The following ANKRD54 variants were observed in gnomAD, a reference collection of about 807,000 sequenced individuals.
ANKRD54 encodes the protein ankyrin repeat domain-containing protein 54.
ANKRD54 carries 26 observed loss-of-function variants against 36.2 expected under a neutral mutation model. That is an observed-to-expected ratio of 0.72 (90% CI 0.53 to 1.00). ANKRD54 has a LOEUF of 1.00. Among genes scored for constraint, ANKRD54 ranks in the 50% least tolerant of loss-of-function variants. The pLI, the probability that ANKRD54 is intolerant of heterozygous loss-of-function variation, is 0.00. For missense variants in ANKRD54, 384 were observed against 424.3 expected, an observed-to-expected ratio of 0.91 and a Z score of 0.83; for synonymous variants, 209 against 188.4, an observed-to-expected ratio of 1.11 and a Z score of -0.89.
chr22:37,833,586 A>T, intron 4 of ANKRD54, 98 bp downstream of exon 4: 2 of 1,306,254 alleles, frequency 1.5e-6, no homozygotes, highest in South Asian at 2.5e-5. Context: ...CCTGACACTC[A>T]CAGTTTCTGC....
intron 1 of ANKRD54, among the ~76,000 whole-genome samples, 200 bp from the exon 2 acceptor site, chr22:37,840,434 C>T (rs1292383441): frequency 6.6e-6 from 1 of 151,630 alleles, no homozygotes; most frequent in African/African-American, 2.4e-5. Context: ...TGGCAGGTGC[C>T]TGTAGTCCCA....
At chr22:37,833,517 G>A (rs1923156643) in intron 4 of ANKRD54, among the ~76,000 whole-genome samples, 167 bp downstream of exon 4, 1 of 152,142 alleles carries the variant, frequency 6.6e-6, no homozygotes, top group Non-Finnish European at 1.5e-5. Flanking sequence ...TGATTGGAAG[G>A]CCCATGGGAC....
chr22:37,834,547 ATTAGCTGGGCATAGTGATGGCAGACTT>A (rs1385686498), intron 3 of ANKRD54: 1 of 151,550 alleles, frequency 6.6e-6, no homozygotes, highest in African/African-American at 2.4e-5. Flanking sequence ...AAACACAAAA[ATTAGCTGGGCATAGTGATGGCAGACTT>A]GTAGTCCCAG....
chr22:37,832,987 G>A lies in ANKRD54; in HGVS notation c.691C>T (p.Leu231=), dbSNP rs1459103667. 5 of 1,614,066 alleles carry A rather than the reference G, an allele frequency of 3.1e-6. No individual in the cohort carries two copies. Among genetic ancestry groups the A allele is most frequent in the Non-Finnish European group, 3.4e-6 (4 of 1,180,038 alleles). ...NILQEGHAQC[L]EAVRLEVKQI... Reference sequence around the variant, plus strand: ...TTCACCTCCAGACGCACAGCCTCTAGGCACTGGGCATGGCCCTCCTGCAGG... The same window carrying A: ...TTCACCTCCAGACGCACAGCCTCTAAGCACTGGGCATGGCCCTCCTGCAGG... The change falls in exon 6 of 8, where the codon CTA becomes TTA. Residue 231 remains leucine, a synonymous_variant. Coordinates refer to ENST00000215941, the MANE Select transcript of ANKRD54 (RefSeq NM_138797.4).
intron 1 of ANKRD54, among the ~76,000 whole-genome samples, chr22:37,842,442 T>C (rs946594320): frequency 1.3e-5 from 2 of 152,216 alleles, no homozygotes; most frequent in African/African-American, 4.8e-5. Context: ...AGGTCTATCA[T>C]CTGCAAAACA....
In ANKRD54 at chr22:37,831,846, G is replaced by A. The variant is rs1182467173; in HGVS notation, c.*97C>T. 6.8e-6 allele frequency: 9 copies of A among 1,322,462 alleles called. No individual in the cohort carries two copies. Among genetic ancestry groups the A allele is most frequent in the African/African-American group, 1.4e-5 (1 of 69,266 alleles). 81.9% of individuals were successfully genotyped at this position (1,322,462 alleles called of 1,614,324 possible). A position where few individuals can be genotyped will look rare whatever the true frequency, so the allele number is the denominator to read the frequency against. Reference sequence around the variant, plus strand: ...TGAGGGCAAGGTCCTCACCAGACAAGTGCAGCTCCAAGTCCCAGATGTTGG... The same window carrying A: ...TGAGGGCAAGGTCCTCACCAGACAAATGCAGCTCCAAGTCCCAGATGTTGG... On this transcript the variant is annotated 3_prime_UTR_variant, in exon 8 of 8. Transcript: ENST00000215941.
Position 37,843,945 on chromosome 22 carries a change from G to C in ANKRD54, c.294C>G (p.His98Gln). The C allele has an allele frequency of 2.2e-6, 3 of 1,380,152 alleles. No individual in the cohort carries two copies. The highest frequency in any genetic ancestry group is 2.8e-6 in the Non-Finnish European group (3 of 1,069,614). 85.5% of individuals were successfully genotyped at this position (1,380,152 alleles called of 1,614,324 possible). Reference sequence around the variant, plus strand: ...CCTTGCCCGTGGGCCCGAGCCGCCGGTGGGGCCTGGCAGCGCGCCTCAGCC... The same window carrying C: ...CCTTGCCCGTGGGCCCGAGCCGCCGCTGGGGCCTGGCAGCGCGCCTCAGCC... ...AGRLRRAARP[H>Q]RRLGPTGKEV... Residue 98 changes from histidine to glutamine, a missense_variant, in exon 1 of 8, where the codon CAC becomes CAG. Physicochemically the swap from His to Gln is conservative, Grantham distance 24. This residue lies in a region of ANKRD54 where 195 missense variants were observed against 177.7 expected (regional missense o/e 1.10). Coordinates refer to ENST00000215941, the MANE Select transcript of ANKRD54 (RefSeq NM_138797.4).
chr22:37,844,412 C>T (rs73411600), upstream of ANKRD54: 1,442 of 607,846 alleles, frequency 2.4e-3, 22 homozygotes, highest in African/African-American at 0.026. Context: ...GAACCAATGA[C>T]TACCCTTCCA....
chr22:37,840,929 C>T (rs1282992243), intron 1 of ANKRD54, among the ~76,000 whole-genome samples: 1 of 151,792 alleles, frequency 6.6e-6, no homozygotes, highest in Non-Finnish European at 1.5e-5. Context: ...AAAAACCCAG[C>T]CATCTAGCTG....
intron 2 of ANKRD54, among the ~76,000 whole-genome samples, chr22:37,838,880 C>T (rs1239436111): frequency 4.6e-5 from 7 of 152,092 alleles, no homozygotes; most frequent in African/African-American, 9.7e-5. Context: ...TTTAGGGTCA[C>T]AGGAATCCCT....
At chr22:37,847,986 T>C (rs1924937631), upstream of ANKRD54, among the ~76,000 whole-genome samples, 2 of 152,014 alleles carry the variant, frequency 1.3e-5, no homozygotes, top group East Asian at 1.9e-4. Flanking sequence ...TGCATTCGAT[T>C]CTAGACTTGG....
chr22:37,846,507 T>C (rs1924851928), upstream of ANKRD54, among the ~76,000 whole-genome samples: 1 of 152,198 alleles, frequency 6.6e-6, no homozygotes. Flanking sequence ...GTCTCACTTT[T>C]TTGTTCAGGC....
chr22:37,832,421 G>A (rs1343626143), intron 7 of ANKRD54, among the ~76,000 whole-genome samples: 2 of 152,082 alleles, frequency 1.3e-5, no homozygotes, highest in Non-Finnish European at 2.9e-5. Flanking sequence ...CTGGAGTTCA[G>A]TGGCAATCAC....
At position 37,840,239 on chromosome 22, in the gene ANKRD54, A is replaced by G; in HGVS notation, c.329-5T>C. 6.2e-7 allele frequency: 1 copy of G among 1,613,940 alleles called. No homozygotes were observed. Among genetic ancestry groups the G allele is most frequent in the Non-Finnish European group, 8.5e-7 (1 of 1,179,886 alleles). Reference sequence around the variant, plus strand: ...AGTCCCTCAGTCTCTTCAGAGCTGTAAAGAGAGTAACGGATGCCAGTTTAA... The same window carrying G: ...AGTCCCTCAGTCTCTTCAGAGCTGTGAAGAGAGTAACGGATGCCAGTTTAA... On this transcript the variant is annotated splice_region_variant and splice_polypyrimidine_tract_variant and intron_variant, in intron 1 of 7. Coordinates refer to ENST00000215941, the MANE Select transcript of ANKRD54 (RefSeq NM_138797.4).
At position 37,833,139 on chromosome 22, in the gene ANKRD54, G is replaced by A; in HGVS notation, c.595+20C>T. ...GGGTGAGGGGGAGAAAGAGGACAGA[G>A]AGGGGAAGAAACCACATACCTCCTC... On this transcript the variant is annotated intron_variant, in intron 5 of 7. Transcript: ENST00000215941. 1 of 1,614,024 alleles carries A rather than the reference G, an allele frequency of 6.2e-7. No homozygotes were observed. The highest frequency in any genetic ancestry group is 8.5e-7 in the Non-Finnish European group (1 of 1,180,000).
At position 37,843,980 on chromosome 22, in the gene ANKRD54, G is replaced by T. The variant is rs1057132796; in HGVS notation, c.259C>A (p.Pro87Thr). ...EPRDELRCKI[P>T]AGRLRRAARP... ...GCAGCGCGCCTCAGCCGGCCAGCGG[G>T]TATCTTGCAGCGCAGCTCGTCGCGC... is the stretch of plus-strand genomic sequence containing the variant. The change falls in exon 1 of 8, where the codon CCC becomes ACC. Residue 87 changes from proline (P) to threonine (T), a missense_variant. By Grantham distance (38) the Pro-to-Thr change is conservative. This residue lies in a region of ANKRD54 where 195 missense variants were observed against 177.7 expected (regional missense o/e 1.10). Coordinates refer to ENST00000215941, the MANE Select transcript of ANKRD54 (RefSeq NM_138797.4). 3 of 1,418,266 alleles carry T rather than the reference G, an allele frequency of 2.1e-6. No homozygotes were observed. The highest frequency in any genetic ancestry group is 2.8e-5 in the Admixed American group (1 of 36,116). 87.9% of individuals were successfully genotyped at this position (1,418,266 alleles called of 1,614,324 possible).
intron 3 of ANKRD54, among the ~76,000 whole-genome samples, chr22:37,838,108 C>A (rs1462551961): frequency 1.3e-5 from 2 of 151,706 alleles, no homozygotes; most frequent in Non-Finnish European, 2.9e-5. Context: ...GCACTCCAGC[C>A]TGGGCGACAG....
chr22:37,836,447 CAAAAA>C (rs760828902), intron 3 of ANKRD54, among the ~76,000 whole-genome samples: 4 of 22,636 alleles, frequency 1.8e-4, no homozygotes, highest in Non-Finnish European at 3.2e-4. Flanking sequence ...AACTCTGTCT[CAAAAA>C]AAAAAAAAAA....
Position 37,833,176 on chromosome 22 carries a change from G to A in ANKRD54, c.578C>T (p.Thr193Ile), listed in dbSNP as rs1923113278. ...CCACATACCTCCTCGTAGCAGTGTGGTGATGACAGGAACGTGGTTGGTGCA... is the reference window on the plus strand; with the variant it reads ...CCACATACCTCCTCGTAGCAGTGTGATGATGACAGGAACGTGGTTGGTGCA... ...AACTNHVPVITTLLRGGARVD... is the reference protein window; with the variant it reads ...AACTNHVPVIITLLRGGARVD... Residue 193 changes from threonine (T) to isoleucine (I), a missense_variant, in exon 5 of 8, where the codon ACC (threonine) becomes ATC (isoleucine). Physicochemically the swap from Thr to Ile is moderately conservative, Grantham distance 89. Around this residue, in one of 3 missense-constraint regions of ANKRD54, gnomAD observed 179 missense variants for 224.0 expected, o/e 0.80. Coordinates refer to ENST00000215941, the MANE Select transcript of ANKRD54 (RefSeq NM_138797.4). The A allele has an allele frequency of 1.9e-6, 3 of 1,613,878 alleles. No homozygotes were observed. Among genetic ancestry groups the A allele is most frequent in the Non-Finnish European group, 2.5e-6 (3 of 1,180,016 alleles).
Sources: allele counts gnomAD v4.1 joint callset (sites outside exome capture counted in the v4.1 genomes callset), GRCh38; gene constraint gnomAD v4.1.1; regional missense constraint gnomAD v4.1.1; transcripts MANE v1.5; gene names NCBI Gene and HGNC (gene_info 2026-07-23, HGNC 2026-07-21).